Variants in DAPK3 observed in about 807,000 individuals in gnomAD.
DAPK3 encodes death-associated protein kinase 3.
In DAPK3, 24 loss-of-function variants were observed where a neutral mutation model predicts 30.6. The ratio of observed to expected loss-of-function variants is 0.78; its 90% CI spans 0.57 to 1.10. The LOEUF (loss-of-function observed/expected upper bound fraction) is 1.10. Ranked by LOEUF, DAPK3 falls within the 50% of genes least tolerant of loss-of-function variation. DAPK3 has a pLI of 0.00. For synonymous variants in DAPK3, 341 were observed against 284.0 expected, an observed-to-expected ratio of 1.20 and a Z score of -2.02; for missense variants, 629 against 657.3, an observed-to-expected ratio of 0.96 and a Z score of 0.47.
rs2039627588 is a variant in DAPK3 at position 3,970,935 on chromosome 19, CT to C, written c.-110del. The C allele has an allele frequency of 6.5e-6, 1 of 153,010 alleles. No individual in the cohort carries two copies. Among genetic ancestry groups the C allele is most frequent in the African/African-American group, 2.4e-5 (1 of 41,466 alleles). 9.5% of individuals were successfully genotyped at this position (153,010 alleles called of 1,614,324 possible). On this transcript the variant is annotated 5_prime_UTR_variant, in exon 1 of 9. Coordinates refer to ENST00000545797, the MANE Select transcript of DAPK3 (RefSeq NM_001348.3). ...CCCAAACCTACCAGCTCCTCAGATT[CT>C]CTCCCTCCCTCGTCCTCCGCGGGCC...
chr19:3,965,596 C>A (rs868451740), intron 2 of DAPK3, among the ~76,000 whole-genome samples: 4 of 152,158 alleles, frequency 2.6e-5, no homozygotes, highest in Non-Finnish European at 4.4e-5. Context: ...CCAGCCTGGG[C>A]AACGTAGCAA....
chr19:3,964,052 C>CA, intron 4 of DAPK3, 133 bp from the exon 5 acceptor site: 1 of 807,316 alleles, frequency 1.2e-6, no homozygotes, highest in African/African-American at 1.7e-5. Flanking sequence ...AGCTGGCCCT[C>CA]AGGGCCTGAC....
rs555935431 is a variant in DAPK3 at position 3,965,097 on chromosome 19, C to T, written c.63-106G>A. 61 of 654,868 alleles carry T rather than the reference C, an allele frequency of 9.3e-5. No homozygotes were observed. The South Asian group carries it at 1.1e-3, about 11-fold the overall frequency. 40.6% of individuals were successfully genotyped at this position (654,868 alleles called of 1,614,324 possible). A position where few individuals can be genotyped will look rare whatever the true frequency, so the allele number is the denominator to read the frequency against. On this transcript the variant is annotated intron_variant, in intron 2 of 8. Transcript: ENST00000545797. ...CTTGCTCCTCTTGGGCGCGGCCCTG[C>T]ACCAGGCACTTGAAGGACATGAGCT... is the stretch of plus-strand genomic sequence containing the variant.
At chr19:3,964,526 C>A in intron 3 of DAPK3, 105 bp downstream of exon 3, 2 of 1,394,482 alleles carry the variant, frequency 1.4e-6, no homozygotes, top group Non-Finnish European at 1.9e-6. Context: ...CCCACGCTCC[C>A]CACACCTCAC....
rs2039472081 is a variant in DAPK3, at chr19:3,959,100, C to T, written c.*1G>A. On this transcript the variant is annotated 3_prime_UTR_variant, in exon 9 of 9. Coordinates refer to ENST00000545797, the MANE Select transcript of DAPK3 (RefSeq NM_001348.3). ...CTGGGGCCTGGCCCACCCCACTGCG[C>T]CTAGCGCAGCCCGCACTCCACGCCC... The T allele has an allele frequency of 6.5e-7, 1 of 1,526,870 alleles. No individual in the cohort carries two copies. The highest frequency in any genetic ancestry group is 8.8e-7 in the Non-Finnish European group (1 of 1,139,648). The allele number at this position is 1,526,870 out of a possible 1,614,324, so 94.6% of individuals were successfully genotyped here. A position where few individuals can be genotyped will look rare whatever the true frequency, so the allele number is the denominator to read the frequency against.
chr19:3,964,331 G>T lies in DAPK3; in HGVS notation c.466C>A (p.Arg156=). The change falls in exon 4 of 9, where the codon CGA becomes AGA. Residue 156 remains arginine (R), a synonymous_variant. Transcript: ENST00000545797. ...MLLDKNVPNP[R]IKLIDFGIAH... ...ATGCCGAAGTCGATGAGCTTGATTC[G>T]TGGGTTGGGCACGTTCTTGTCCAGC... 6.2e-7 allele frequency: 1 copy of T among 1,613,116 alleles called. No individual in the cohort carries two copies. Among genetic ancestry groups the T allele is most frequent in the Non-Finnish European group, 8.5e-7 (1 of 1,179,106 alleles).
rs368786626 is a variant in DAPK3, at chr19:3,964,343, C to A, written c.454G>T (p.Val152Leu). The A allele has an allele frequency of 2.5e-6, 4 of 1,613,016 alleles. No homozygotes were observed. The highest frequency in any genetic ancestry group is 2.2e-5 in the East Asian group (1 of 44,874). ...PENIMLLDKN[V>L]PNPRIKLIDF... The stretch of plus-strand genomic sequence containing the variant: ...ATGAGCTTGATTCGTGGGTTGGGCA[C>A]GTTCTTGTCCAGCAGCATGATGTTT... The change falls in exon 4 of 9, where the codon GTG becomes TTG. Residue 152 changes from valine to leucine, a missense_variant. Val to Leu is a conservative substitution (Grantham distance 32). Coordinates refer to ENST00000545797, the MANE Select transcript of DAPK3 (RefSeq NM_001348.3).
At chr19:3,960,315 C>G (rs1008811808) in intron 7 of DAPK3, among the ~76,000 whole-genome samples, 2 of 152,120 alleles carry the variant, frequency 1.3e-5, no homozygotes, top group African/African-American at 4.8e-5. Flanking sequence ...GTCGCAAACC[C>G]AGGCGCCCGA....
intron 6 of DAPK3, chr19:3,961,735 A>G (rs1287454187): frequency 1.5e-5 from 5 of 340,286 alleles, no homozygotes; most frequent in African/African-American, 2.1e-5. Context: ...AGGTCATGAA[A>G]GCCAGACAGA....
chr19:3,959,564 C>T lies in DAPK3; in HGVS notation c.902G>A (p.Arg301His), dbSNP rs1025063393. 17 of 1,582,574 alleles carry T rather than the reference C, an allele frequency of 1.1e-5. No homozygotes were observed. Among genetic ancestry groups the T allele is most frequent in the African/African-American group, 4.0e-5 (3 of 74,822 alleles). Reference sequence around the variant, plus strand: ...CGACTTGATGGTGTACTCCTTCAGACGCGTGGTCTTCAGGCGCCGCCGCTC... The same window carrying T: ...CGACTTGATGGTGTACTCCTTCAGATGCGTGGTCTTCAGGCGCCGCCGCTC... Reference protein sequence around the residue: ...KPERRRLKTTRLKEYTIKSHS... With the variant: ...KPERRRLKTTHLKEYTIKSHS... The change falls in exon 9 of 9, where the codon CGT (arginine) becomes CAT (histidine). Residue 301 changes from arginine (R) to histidine (H), a missense_variant. Around this residue, in one of 2 missense-constraint regions of DAPK3, gnomAD observed 323 missense variants for 278.8 expected, o/e 1.16. Coordinates refer to ENST00000545797, the MANE Select transcript of DAPK3 (RefSeq NM_001348.3).
At position 3,964,285 on chromosome 19, in the gene DAPK3, C is replaced by T. The variant is rs1351960075; in HGVS notation, c.512G>A (p.Gly171Glu). 1.9e-6 allele frequency: 3 copies of T among 1,613,598 alleles called. No individual in the cohort carries two copies. The highest frequency in any genetic ancestry group is 2.2e-5 in the East Asian group (1 of 44,868). Residue 171 changes from glycine (G) to glutamate (E), a missense_variant, in exon 4 of 9, where the codon GGG becomes GAG. Coordinates refer to ENST00000545797, the MANE Select transcript of DAPK3 (RefSeq NM_001348.3). ...GCCGAAGATGTTCTTGAACTCGTTC[C>T]CCGCCTCGATCTTGTGCGCGATGCC... Reference protein sequence around the residue: ...DFGIAHKIEAGNEFKNIFGTP... With the variant: ...DFGIAHKIEAENEFKNIFGTP...
chr19:3,962,917 C>G (rs1013325895), intron 6 of DAPK3, among the ~76,000 whole-genome samples: 2 of 151,170 alleles, frequency 1.3e-5, no homozygotes, highest in African/African-American at 4.9e-5. Context: ...CCTTGATCAA[C>G]ATGGTGAAAC....
At chr19:3,961,296 C>A in intron 6 of DAPK3, 135 bp from the exon 7 acceptor site, 1 of 753,104 alleles carries the variant, frequency 1.3e-6, no homozygotes, top group South Asian at 1.5e-5. Context: ...CACTCCTGAG[C>A]CCTTAGAACC....
At chr19:3,963,710 C>A in intron 5 of DAPK3, 41 bp from the exon 6 acceptor site, 1 of 1,499,348 alleles carries the variant, frequency 6.7e-7, no homozygotes. Context: ...CAGCGTGGGG[C>A]CGCCCACCCT....
At position 3,958,547 on chromosome 19, in the gene DAPK3, G is replaced by A. The variant is rs1463432239; in HGVS notation, c.*554C>T. 4 of 456,718 alleles carry A rather than the reference G, an allele frequency of 8.8e-6. No individual in the cohort carries two copies. Among genetic ancestry groups the A allele is most frequent in the Non-Finnish European group, 1.8e-5 (4 of 227,566 alleles). 28.3% of individuals were successfully genotyped at this position (456,718 alleles called of 1,614,324 possible). ...GACGATGGGGCTCGCGGAGGAGTCC[G>A]CAGCAGGGCACCCCACACCCGGGGG... On this transcript the variant is annotated 3_prime_UTR_variant, in exon 9 of 9. Coordinates refer to ENST00000545797, the MANE Select transcript of DAPK3 (RefSeq NM_001348.3).
chr19:3,970,794 C>G (rs1192597826), intron 1 of DAPK3, 127 bp downstream of exon 1: 1 of 152,868 alleles, frequency 6.5e-6, no homozygotes, highest in Non-Finnish European at 1.5e-5. Flanking sequence ...GCAGAACCTC[C>G]CCCCGCCCCC....
intron 8 of DAPK3, chr19:3,959,845 C>T: frequency 1.5e-6 from 1 of 656,230 alleles, no homozygotes; most frequent in Non-Finnish European, 2.6e-6. Flanking sequence ...CCCCGTTGGA[C>T]ACACACCAGC....
intron 2 of DAPK3, among the ~76,000 whole-genome samples, chr19:3,968,215 C>A (rs2039598378): frequency 6.6e-6 from 1 of 151,518 alleles, no homozygotes; most frequent in African/African-American, 2.4e-5. Context: ...CTGTTCCCAG[C>A]GGGGTGCGGT....
At position 3,963,633 on chromosome 19, in the gene DAPK3, A is replaced by G; in HGVS notation, c.629+10T>C. On this transcript the variant is annotated intron_variant, in intron 6 of 8. Coordinates refer to ENST00000545797, the MANE Select transcript of DAPK3 (RefSeq NM_001348.3). ...TTGCACAGCCGAGGGGGCCCCCGCC[A>G]GGTACTCACAGGATATAGGTGATGA... 6.6e-7 allele frequency: 1 copy of G among 1,516,210 alleles called. No homozygotes were observed. The highest frequency in any genetic ancestry group is 8.8e-7 in the Non-Finnish European group (1 of 1,133,300). The allele number at this position is 1,516,210 out of a possible 1,614,324, so 93.9% of individuals were successfully genotyped here.
Sources: allele counts gnomAD v4.1 joint callset (sites outside exome capture counted in the v4.1 genomes callset), GRCh38; gene constraint gnomAD v4.1.1; regional missense constraint gnomAD v4.1.1; transcripts MANE v1.5; gene names NCBI Gene and HGNC (gene_info 2026-07-23, HGNC 2026-07-21).